FNDC3A: variants seen among roughly 807,000 people sequenced by gnomAD.
The protein encoded by FNDC3A is fibronectin type-III domain-containing protein 3A.
In FNDC3A, 32 loss-of-function variants were observed where a neutral mutation model predicts 148.9. That is an observed-to-expected ratio of 0.21 (90% confidence interval 0.16 to 0.29). The LOEUF (loss-of-function observed/expected upper bound fraction) is 0.29, where lower values mean the gene tolerates loss of function less well. Among genes scored for constraint, FNDC3A ranks in the 10% least tolerant of loss-of-function variants. FNDC3A has a pLI of 1.00. For synonymous variants in FNDC3A, 472 were observed against 473.6 expected (o/e 1.00, Z 0.04); for missense variants, 1,191 against 1,452.8 (o/e 0.82, Z 2.93).
chr13:49,160,843 A>G (rs374962631), intron 8 of FNDC3A, among the ~76,000 whole-genome samples: 1 of 151,662 alleles, frequency 6.6e-6, no homozygotes, highest in Non-Finnish European at 1.5e-5. Context: ...TGGTTTCAAA[A>G]AACATCTTTA....
At chr13:49,160,014 G>T (rs191061848) in intron 8 of FNDC3A, among the ~76,000 whole-genome samples, 220 of 152,312 alleles carry the variant, frequency 1.4e-3, no homozygotes, top group Admixed American at 0.011. Context: ...GCTGGATTCG[G>T]TTTGCCAGTA....
At chr13:49,018,834 G>C (rs1873046914) in intron 2 of FNDC3A, among the ~76,000 whole-genome samples, 1 of 152,196 alleles carries the variant, frequency 6.6e-6, no homozygotes. Context: ...AGGACCCTCA[G>C]CTGCAGGTCT....
chr13:49,192,124 T>A (rs528102865), intron 19 of FNDC3A, among the ~76,000 whole-genome samples: 2 of 152,160 alleles, frequency 1.3e-5, no homozygotes, highest in Non-Finnish European at 1.5e-5. Flanking sequence ...AAGCAGTAAT[T>A]TCCTATCTCA....
chr13:49,062,792 A>T (rs1876988430), intron 2 of FNDC3A, among the ~76,000 whole-genome samples: 1 of 152,138 alleles, frequency 6.6e-6, no homozygotes, highest in Admixed American at 6.5e-5. Context: ...CTAGACTGGG[A>T]ACTCCTTGAT....
rs752339500 is a variant in FNDC3A, at chr13:49,136,387, A to G, written c.546A>G (p.Thr182=). Reference sequence around the variant, plus strand: ...TTAGAGATGAACGATCTAGTAAAACATATGAACGTTTGCAGAAAAAATTGA... The same window carrying G: ...TTAGAGATGAACGATCTAGTAAAACGTATGAACGTTTGCAGAAAAAATTGA... ...SNFRDERSSK[T]YERLQKKLKD... Residue 182 remains threonine (T), a synonymous_variant, in exon 6 of 26, where the codon ACA becomes ACG. Transcript: ENST00000492622. The G allele has an allele frequency of 2.5e-6, 4 of 1,614,156 alleles. No homozygotes were observed. In the Admixed American group the frequency reaches 6.7e-5, roughly 27 times the overall value.
At chr13:49,150,666 G>A (rs1372846090) in intron 8 of FNDC3A, among the ~76,000 whole-genome samples, 1 of 151,918 alleles carries the variant, frequency 6.6e-6, no homozygotes, top group African/African-American at 2.4e-5. Context: ...ATTTCTTGAG[G>A]CCGGGCACGG....
At chr13:49,107,891 G>A (rs1880301153) in intron 3 of FNDC3A, among the ~76,000 whole-genome samples, 1 of 152,120 alleles carries the variant, frequency 6.6e-6, no homozygotes, top group Non-Finnish European at 1.5e-5. Flanking sequence ...TACAGCTCAG[G>A]TGTAAGAGAA....
At chr13:49,037,782 G>A (rs1007769377) in intron 2 of FNDC3A, among the ~76,000 whole-genome samples, 1 of 152,210 alleles carries the variant, frequency 6.6e-6, no homozygotes, top group Non-Finnish European at 1.5e-5. Context: ...AGATGGGCAG[G>A]TGCAGGAGCC....
intron 2 of FNDC3A, among the ~76,000 whole-genome samples, chr13:49,018,272 C>T (rs1055216828): frequency 1.3e-5 from 2 of 152,156 alleles, no homozygotes; most frequent in Non-Finnish European, 2.9e-5. Context: ...TTCACATAGT[C>T]GCATATTTCT....
chr13:49,140,212 T>G (rs1191613257), intron 7 of FNDC3A, among the ~76,000 whole-genome samples: 1 of 152,140 alleles, frequency 6.6e-6, no homozygotes, highest in Non-Finnish European at 1.5e-5. Flanking sequence ...GGCACACACC[T>G]GTAGTCCCAG....
intron 5 of FNDC3A, among the ~76,000 whole-genome samples, 188 bp downstream of exon 5, chr13:49,131,562 C>T (rs755196704): frequency 2.0e-5 from 3 of 152,098 alleles, no homozygotes; most frequent in Non-Finnish European, 4.4e-5. Context: ...GGTAAGTAAA[C>T]AGAAAAATCA....
intron 20 of FNDC3A, 65 bp downstream of exon 20, chr13:49,197,055 A>G: frequency 1.0e-6 from 1 of 954,178 alleles, no homozygotes; most frequent in Admixed American, 2.4e-5. Flanking sequence ...ATATAAAAGA[A>G]TAAAGATACT....
chr13:49,037,744 C>CA (rs1874604398), intron 2 of FNDC3A, among the ~76,000 whole-genome samples: 1 of 152,202 alleles, frequency 6.6e-6, no homozygotes, highest in Non-Finnish European at 1.5e-5. Context: ...ACTGAGAGCT[C>CA]AAACCCCTTA....
intron 2 of FNDC3A, among the ~76,000 whole-genome samples, chr13:49,056,110 C>T (rs1876219226): frequency 6.6e-6 from 1 of 151,908 alleles, no homozygotes. Context: ...TGCTTTGAGC[C>T]CAGGAGGTTG....
chr13:49,195,466 T>C (rs1174274572), intron 19 of FNDC3A, among the ~76,000 whole-genome samples: 3 of 152,184 alleles, frequency 2.0e-5, no homozygotes, highest in Non-Finnish European at 4.4e-5. Context: ...TGAACTATTT[T>C]CTTTTGGAAA....
At chr13:49,192,321 G>T (rs1243446033) in intron 19 of FNDC3A, among the ~76,000 whole-genome samples, 1 of 152,048 alleles carries the variant, frequency 6.6e-6, no homozygotes, top group East Asian at 1.9e-4. Flanking sequence ...TTGAAACAGG[G>T]TCTCACCCTG....
chr13:49,138,966 C>A (rs1454760713), intron 7 of FNDC3A, among the ~76,000 whole-genome samples, 161 bp downstream of exon 7: 1 of 152,084 alleles, frequency 6.6e-6, no homozygotes, highest in Non-Finnish European at 1.5e-5. Context: ...CTTTAGCTAT[C>A]TTTCTATGTC....
intron 2 of FNDC3A, among the ~76,000 whole-genome samples, chr13:49,065,877 A>G (rs1358961366): frequency 6.6e-6 from 1 of 152,200 alleles, no homozygotes; most frequent in Non-Finnish European, 1.5e-5. Flanking sequence ...TTAGACATTT[A>G]TAAGAAATAC....
chr13:49,200,757 A>T (rs1886384520), intron 23 of FNDC3A, among the ~76,000 whole-genome samples: 1 of 152,018 alleles, frequency 6.6e-6, no homozygotes, highest in Admixed American at 6.6e-5. Flanking sequence ...ACCTTTTATG[A>T]TACTGTTAAG....
Sources: allele counts gnomAD v4.1 joint callset (sites outside exome capture counted in the v4.1 genomes callset), GRCh38; gene constraint gnomAD v4.1.1; transcripts MANE v1.5; gene names NCBI Gene and HGNC (gene_info 2026-07-23, HGNC 2026-07-21).